CNTN5: variants seen among roughly 807,000 people sequenced by gnomAD.
CNTN5 encodes contactin 5.
Under a neutral mutation model 129.1 loss-of-function variants are expected in CNTN5, and 77 were observed. That is an observed-to-expected ratio of 0.60 (90% CI 0.50 to 0.72). The LOEUF (loss-of-function observed/expected upper bound fraction) is 0.72. Among genes scored for constraint, CNTN5 ranks in the 30% least tolerant of loss-of-function variants. The pLI is 0.00. For synonymous variants in CNTN5, 509 were observed against 465.6 expected (o/e 1.09, Z -1.20); for missense variants, 1,478 against 1,328.8 (o/e 1.11, Z -1.75).
intron 20 of CNTN5, among the ~76,000 whole-genome samples, chr11:100,301,287 T>C (rs1205814762): frequency 6.6e-6 from 1 of 151,640 alleles, no homozygotes; most frequent in South Asian, 2.1e-4. Context: ...GTGCTGCCTT[T>C]AAGAAATTCA....
At position 99,689,947 on chromosome 11, in the gene CNTN5, G is replaced by T. The variant is rs145390938; in HGVS notation, c.56-129597G>T. Among the ~76,000 whole-genome samples, 2,049 of 152,194 alleles carry T rather than the reference G, an allele frequency of 0.013. 117 individuals are homozygous for T. In the East Asian group the frequency reaches 0.19, roughly 14 times the overall value. On this transcript the variant is annotated intron_variant, in intron 3 of 24. Coordinates refer to ENST00000524871, the MANE Select transcript of CNTN5 (RefSeq NM_014361.4). ...TCTTTAGTTTAATTAGATCCCATTT[G>T]TCAATTTTTGCTTTTGTTGAGATTG... is the stretch of plus-strand genomic sequence containing the variant.
At chr11:100,205,028 T>C (rs537064557) in intron 15 of CNTN5, among the ~76,000 whole-genome samples, 1 of 152,196 alleles carries the variant, frequency 6.6e-6, no homozygotes, top group Non-Finnish European at 1.5e-5. Context: ...AGATTGTTCC[T>C]ATTATTTAAT....
At chr11:100,118,039 T>C (rs1945896207) in intron 13 of CNTN5, among the ~76,000 whole-genome samples, 1 of 151,784 alleles carries the variant, frequency 6.6e-6, no homozygotes, top group Non-Finnish European at 1.5e-5. Context: ...TTGTTTTTTT[T>C]TTCCCTTCCA....
chr11:99,788,637 TAAC>T (rs1405714115), intron 3 of CNTN5, among the ~76,000 whole-genome samples: 1 of 151,914 alleles, frequency 6.6e-6, no homozygotes, highest in African/African-American at 2.4e-5. Context: ...TTGCAGCAGA[TAAC>T]AACTTTATTA....
At chr11:99,610,345 C>A (rs1200812408) in intron 3 of CNTN5, among the ~76,000 whole-genome samples, 3 of 152,092 alleles carry the variant, frequency 2.0e-5, no homozygotes, top group Non-Finnish European at 4.4e-5. Flanking sequence ...GGTGTTATTT[C>A]TCAGTCAGGT....
intron 6 of CNTN5, among the ~76,000 whole-genome samples, chr11:99,902,200 T>A (rs1005541668): frequency 1.3e-5 from 2 of 151,736 alleles, no homozygotes; most frequent in Admixed American, 1.3e-4. Flanking sequence ...AACCAGAGCG[T>A]GGATCTACTC....
chr11:99,874,712 T>C (rs1244660704), intron 6 of CNTN5, among the ~76,000 whole-genome samples: 1 of 152,210 alleles, frequency 6.6e-6, no homozygotes, highest in African/African-American at 2.4e-5. Context: ...TCATCCCCTT[T>C]GTCAGTTCCA....
At chr11:99,837,351 T>C (rs1947339589) in intron 4 of CNTN5, among the ~76,000 whole-genome samples, 1 of 152,190 alleles carries the variant, frequency 6.6e-6, no homozygotes, top group South Asian at 2.1e-4. Flanking sequence ...TTCTTTTGTA[T>C]TCACATCACA....
At chr11:99,596,429 C>G (rs774767737) in intron 3 of CNTN5, among the ~76,000 whole-genome samples, 12 of 152,138 alleles carry the variant, frequency 7.9e-5, no homozygotes, top group Non-Finnish European at 1.5e-4. Flanking sequence ...CCAAGGGCTA[C>G]TATCTCTTAT....
Position 99,646,722 on chromosome 11 carries a change from TTGACAATATGTGTAAA to T in CNTN5, c.55+90466_55+90481del, listed in dbSNP as rs1261199015. Among the ~76,000 whole-genome samples the T allele has an allele frequency of 1.1e-4, 17 of 150,626 alleles. 1 individual carries two copies. In the South Asian group the frequency reaches 3.3e-3, roughly 29 times the overall value. On this transcript the variant is annotated intron_variant, in intron 3 of 24. Coordinates refer to ENST00000524871, the MANE Select transcript of CNTN5 (RefSeq NM_014361.4). ...TGCCCATTAGTATATCTCACTGAAA[TTGACAATATGTGTAAA>T]TGACAATATGTGATAAAAGACTGAA...
At chr11:99,652,828 A>AG (rs1374454420) in intron 3 of CNTN5, among the ~76,000 whole-genome samples, 1 of 152,050 alleles carries the variant, frequency 6.6e-6, no homozygotes, top group Non-Finnish European at 1.5e-5. Flanking sequence ...TGTGCAGCAA[A>AG]GTAGTACCTT....
chr11:99,483,117 A>C (rs1945667133), intron 2 of CNTN5, among the ~76,000 whole-genome samples: 1 of 131,838 alleles, frequency 7.6e-6, no homozygotes, highest in Non-Finnish European at 1.6e-5. Context: ...TGGAGCTTGC[A>C]GTGAGCCGAG....
chr11:99,248,453 G>T lies in CNTN5; in HGVS notation c.-209-76893G>T, dbSNP rs570834201. On this transcript the variant is annotated intron_variant, in intron 1 of 24. Transcript: ENST00000524871. ...TGGTAGTTTCTTTTGCTGTGCAGAAGCTCTTTAGTTTAATTAGATCCCATT... is the reference window on the plus strand; with the variant it reads ...TGGTAGTTTCTTTTGCTGTGCAGAATCTCTTTAGTTTAATTAGATCCCATT... Among the ~76,000 whole-genome samples, 10 of 152,186 alleles carry T rather than the reference G, an allele frequency of 6.6e-5. No homozygotes were observed. The East Asian group carries it at 1.5e-3, about 24-fold the overall frequency.
At chr11:100,120,912 A>G (rs1432753533) in intron 13 of CNTN5, among the ~76,000 whole-genome samples, 1 of 151,996 alleles carries the variant, frequency 6.6e-6, no homozygotes, top group Non-Finnish European at 1.5e-5. Context: ...TCGATAGACT[A>G]TCATTCAGCA....
At chr11:99,904,001 G>A (rs1664571221) in intron 6 of CNTN5, among the ~76,000 whole-genome samples, 1 of 152,040 alleles carries the variant, frequency 6.6e-6, no homozygotes, top group African/African-American at 2.4e-5. Flanking sequence ...TATAAAAAAG[G>A]CAAATATAAC....
chr11:99,336,857 T>G (rs903685106), intron 2 of CNTN5, among the ~76,000 whole-genome samples: 1 of 151,792 alleles, frequency 6.6e-6, no homozygotes, highest in Non-Finnish European at 1.5e-5. Context: ...GAATAAGAGC[T>G]AAAATGTTTA....
At chr11:99,062,002 A>AGG (rs1864901269) in intron 1 of CNTN5, among the ~76,000 whole-genome samples, 1 of 152,050 alleles carries the variant, frequency 6.6e-6, no homozygotes, top group South Asian at 2.1e-4. Context: ...AAAAAAAAAA[A>AGG]AAGTCTCTGT....
chr11:99,931,171 T>A (rs1950184033), intron 7 of CNTN5, among the ~76,000 whole-genome samples: 1 of 152,186 alleles, frequency 6.6e-6, no homozygotes, highest in African/African-American at 2.4e-5. Context: ...TTTAAAAATA[T>A]TTTACTTTAA....
chr11:99,695,903 A>C (rs2134826090), intron 3 of CNTN5, among the ~76,000 whole-genome samples: 1 of 152,220 alleles, frequency 6.6e-6, no homozygotes, highest in Non-Finnish European at 1.5e-5. Context: ...CTTACCTTGT[A>C]GGGTTGTTAG....
Sources: gnomAD v4.1 joint callset for allele counts (sites outside exome capture counted in the v4.1 genomes callset) on GRCh38, gnomAD v4.1.1 for gene constraint, MANE v1.5 for transcripts, NCBI Gene and HGNC (gene_info 2026-07-23, HGNC 2026-07-21) for gene names.